The following INPP4B variants were observed in gnomAD, a reference collection of about 807,000 sequenced individuals.
INPP4B encodes the protein inositol polyphosphate 4-phosphatase type II.
Under a neutral mutation model 122.5 loss-of-function variants are expected in INPP4B, and 55 were observed. The observed-to-expected ratio is 0.45, with a 90% CI of 0.36 to 0.56. INPP4B has a LOEUF of 0.56. INPP4B is among the 20% of genes least tolerant of loss of function. INPP4B has a pLI of 0.00. For missense variants in INPP4B, 1,000 were observed against 1,097.7 expected, an observed-to-expected ratio of 0.91 and a Z score of 1.26; for synonymous variants, 403 against 388.7, an observed-to-expected ratio of 1.04 and a Z score of -0.43.
At chr4:142,733,210 C>A (rs1766348731) in intron 1 of INPP4B, among the ~76,000 whole-genome samples, 1 of 152,100 alleles carries the variant, frequency 6.6e-6, no homozygotes, top group African/African-American at 2.4e-5. Flanking sequence ...AACAATAAAG[C>A]TTTTAGAAGA....
chr4:142,168,075 C>A (rs1823722482), intron 16 of INPP4B, among the ~76,000 whole-genome samples: 1 of 151,168 alleles, frequency 6.6e-6, no homozygotes, highest in African/African-American at 2.4e-5. Flanking sequence ...GTCAGAGAAA[C>A]ATGTGTCCTT....
intron 2 of INPP4B, among the ~76,000 whole-genome samples, chr4:142,640,914 C>T (rs1293147217): frequency 6.6e-6 from 1 of 152,210 alleles, no homozygotes; most frequent in East Asian, 1.9e-4. Flanking sequence ...TTTAAAAAGG[C>T]TTTGAATCAC....
At chr4:142,032,214 G>A (rs1436235271) in intron 25 of INPP4B, among the ~76,000 whole-genome samples, 3 of 152,136 alleles carry the variant, frequency 2.0e-5, no homozygotes, top group Non-Finnish European at 4.4e-5. Flanking sequence ...GGGGCATGAA[G>A]GAATACTGAG....
At chr4:142,046,656 G>T (rs1393191524) in intron 25 of INPP4B, among the ~76,000 whole-genome samples, 1 of 152,108 alleles carries the variant, frequency 6.6e-6, no homozygotes, top group African/African-American at 2.4e-5. Context: ...AAATGGCAGA[G>T]GCCCCTAAAT....
At chr4:142,272,406 A>T (rs978975883) in intron 9 of INPP4B, among the ~76,000 whole-genome samples, 2 of 152,060 alleles carry the variant, frequency 1.3e-5, no homozygotes, top group Non-Finnish European at 2.9e-5. Context: ...GCAATAAAAT[A>T]AAAAAATTAA....
intron 7 of INPP4B, chr4:142,383,831 CTTTA>C (rs1035061046): frequency 2.2e-6 from 1 of 452,966 alleles, no homozygotes; most frequent in African/African-American, 2.0e-5. Flanking sequence ...AGGACCTTGA[CTTTA>C]TTTATGATGT....
intron 17 of INPP4B, among the ~76,000 whole-genome samples, chr4:142,150,490 A>G (rs915961429): frequency 2.6e-5 from 4 of 152,210 alleles, no homozygotes; most frequent in African/African-American, 7.2e-5. Context: ...TCTTTATTCA[A>G]TGGAGCCAAA....
chr4:142,046,442 GC>G (rs1751491730), intron 25 of INPP4B, among the ~76,000 whole-genome samples: 1 of 152,120 alleles, frequency 6.6e-6, no homozygotes, highest in Non-Finnish European at 1.5e-5. Flanking sequence ...TCTTGTGAAA[GC>G]CAAATTGGTG....
intron 3 of INPP4B, among the ~76,000 whole-genome samples, chr4:142,433,724 G>C (rs766919365): frequency 1.3e-5 from 2 of 152,158 alleles, no homozygotes; most frequent in African/African-American, 2.4e-5. Flanking sequence ...TCACTCACCA[G>C]TGATAGGTAA....
rs1032097339 is a variant in INPP4B at position 142,648,984 on chromosome 4, G to A, written c.-191+76855C>T. Among the ~76,000 whole-genome samples the A allele has an allele frequency of 3.9e-5, 6 of 152,274 alleles. No individual in the cohort carries two copies. In the East Asian group the frequency reaches 9.7e-4, roughly 25 times the overall value. On this transcript the variant is annotated intron_variant, in intron 2 of 25. Transcript: ENST00000262992. ...CTCATATAGGTGGCTGCCCCTCTGG[G>A]ACAAAGCTTCTAGAGGGAGGATCAG...
intron 17 of INPP4B, among the ~76,000 whole-genome samples, chr4:142,152,223 C>T (rs950633678): frequency 6.6e-6 from 1 of 151,290 alleles, no homozygotes; most frequent in Admixed American, 6.6e-5. Flanking sequence ...TACAGGCGCC[C>T]ACCACCACAC....
chr4:142,109,502 T>G (rs1788919951), intron 22 of INPP4B, among the ~76,000 whole-genome samples: 1 of 152,160 alleles, frequency 6.6e-6, no homozygotes, highest in Non-Finnish European at 1.5e-5. Flanking sequence ...CCACAAAGGC[T>G]TCCAAAACCT....
intron 15 of INPP4B, among the ~76,000 whole-genome samples, chr4:142,178,331 T>C (rs918919711): frequency 3.9e-5 from 6 of 152,244 alleles, no homozygotes; most frequent in Non-Finnish European, 2.9e-5. Flanking sequence ...ATTATTGTAA[T>C]AGCTCACAAA....
chr4:142,465,106 C>T (rs1157057697), intron 2 of INPP4B, among the ~76,000 whole-genome samples: 2 of 152,140 alleles, frequency 1.3e-5, no homozygotes, highest in African/African-American at 4.8e-5. Flanking sequence ...GTAATGCATA[C>T]ACAAGATGGG....
intron 18 of INPP4B, among the ~76,000 whole-genome samples, chr4:142,138,206 A>T (rs1323188796): frequency 6.6e-6 from 1 of 151,982 alleles, no homozygotes; most frequent in African/African-American, 2.4e-5. Context: ...CTATGCAGCC[A>T]TAAAAAATGA....
chr4:142,178,998 CCT>C (rs1243711404), intron 15 of INPP4B, among the ~76,000 whole-genome samples: 2 of 152,086 alleles, frequency 1.3e-5, no homozygotes, highest in Non-Finnish European at 2.9e-5. Context: ...GGGCTTCATG[CCT>C]CTCTGCTTTC....
intron 23 of INPP4B, among the ~76,000 whole-genome samples, chr4:142,086,620 G>A (rs1271696042): frequency 2.0e-5 from 3 of 152,170 alleles, no homozygotes; most frequent in Non-Finnish European, 4.4e-5. Context: ...CTCCTGAAGT[G>A]CTGGGATTAC....
rs1740032621 is a variant in INPP4B at position 142,601,898 on chromosome 4, G to T, written c.-191+123941C>A. On this transcript the variant is annotated intron_variant, in intron 2 of 25. Coordinates refer to ENST00000262992, the MANE Select transcript of INPP4B (RefSeq NM_001101669.3). ...GCAGGAGAATGGCGTGAACCCGGGA[G>T]GCGGAGCTTGCAGTAAGCCAAGATT... Among the ~76,000 whole-genome samples the T allele has an allele frequency of 4.0e-5, 6 of 149,574 alleles. No individual in the cohort carries two copies. The South Asian group carries it at 1.3e-3, about 32-fold the overall frequency.
At chr4:142,464,725 T>C (rs971601168) in intron 2 of INPP4B, among the ~76,000 whole-genome samples, 58 of 152,014 alleles carry the variant, frequency 3.8e-4, no homozygotes, top group Admixed American at 3.7e-3. Context: ...GAAAATAATA[T>C]AGAAAAGTCA....
Sources: gnomAD v4.1 joint callset for allele counts (sites outside exome capture counted in the v4.1 genomes callset) on GRCh38, gnomAD v4.1.1 for gene constraint, MANE v1.5 for transcripts, NCBI Gene and HGNC (gene_info 2026-07-23, HGNC 2026-07-21) for gene names.